The following YAP1 variants were observed in gnomAD, a reference collection of about 807,000 sequenced individuals.
YAP1 encodes the protein Yes1 associated transcriptional regulator, also known as transcriptional coactivator YAP1.
In YAP1, 5 loss-of-function variants were observed where a neutral mutation model predicts 56.9. The ratio of observed to expected loss-of-function variants is 0.09; its 90% CI spans 0.05 to 0.18. The LOEUF (loss-of-function observed/expected upper bound fraction) is 0.18. YAP1 is among the 10% of genes least tolerant of loss of function. The pLI is 1.00. For missense variants in YAP1, 539 were observed against 651.8 expected, an observed-to-expected ratio of 0.83 and a Z score of 1.88; for synonymous variants, 265 against 248.1, an observed-to-expected ratio of 1.07 and a Z score of -0.64.
At chr11:102,185,753 C>T (rs754249065) in intron 3 of YAP1, among the ~76,000 whole-genome samples, 8 of 152,082 alleles carry the variant, frequency 5.3e-5, no homozygotes, top group African/African-American at 9.7e-5. Context: ...TGGGCCATGA[C>T]TTCCAAAAGG....
chr11:102,179,886 T>C (rs894773839), intron 3 of YAP1, among the ~76,000 whole-genome samples: 2 of 152,146 alleles, frequency 1.3e-5, no homozygotes, highest in Non-Finnish European at 2.9e-5. Context: ...CCCTTCAGTT[T>C]AAATGATACA....
chr11:102,174,653 C>T (rs1442126959), intron 3 of YAP1, among the ~76,000 whole-genome samples: 1 of 152,012 alleles, frequency 6.6e-6, no homozygotes. Context: ...TCACAAAGAC[C>T]GATCATACTT....
intron 2 of YAP1, among the ~76,000 whole-genome samples, chr11:102,131,080 A>G (rs1226548119): frequency 6.6e-6 from 1 of 152,208 alleles, no homozygotes; most frequent in Non-Finnish European, 1.5e-5. Context: ...CAGCTTATCA[A>G]TAAGCCAGTT....
chr11:102,144,757 T>G (rs927996012), intron 2 of YAP1, among the ~76,000 whole-genome samples: 3 of 152,168 alleles, frequency 2.0e-5, no homozygotes. Context: ...TACTTTTAAT[T>G]TTGCGAATGT....
At chr11:102,188,976 C>A (rs1414674940) in intron 4 of YAP1, among the ~76,000 whole-genome samples, 1 of 151,896 alleles carries the variant, frequency 6.6e-6, no homozygotes, top group African/African-American at 2.4e-5. Context: ...TTAGAGAATT[C>A]ATTAGTAATT....
intron 3 of YAP1, among the ~76,000 whole-genome samples, chr11:102,184,948 ATAAG>A (rs1947867190): frequency 6.6e-6 from 1 of 152,246 alleles, no homozygotes; most frequent in South Asian, 2.1e-4. Flanking sequence ...CCTCATTAGA[ATAAG>A]TAGTACTACT....
intron 2 of YAP1, among the ~76,000 whole-genome samples, chr11:102,160,510 C>T (rs1289617434): frequency 3.9e-5 from 6 of 152,182 alleles, no homozygotes; most frequent in African/African-American, 1.4e-4. Context: ...CTGGATTCGT[C>T]TTAATAGATG....
rs1290858254 is a variant in YAP1, at chr11:102,229,872, C to G, written c.1447C>G (p.Leu483Val). 6.2e-7 allele frequency: 1 copy of G among 1,614,096 alleles called. No individual in the cohort carries two copies. The highest frequency in any genetic ancestry group is 1.7e-5 in the Admixed American group (1 of 60,020). The change falls in exon 9 of 9, where the codon CTT becomes GTT. Residue 483 changes from leucine to valine, a missense_variant. Transcript: ENST00000282441. ...SLQEALSSDI[L>V]NDMESVLAAT... is the part of the protein sequence containing the mutation. The stretch of plus-strand genomic sequence containing the variant: ...GCAGGAAGCTTTGAGTTCTGACATC[C>G]TTAATGACATGGAGTCTGTTTTGGC...
At chr11:102,182,866 A>G (rs1368306742) in intron 3 of YAP1, among the ~76,000 whole-genome samples, 5 of 152,180 alleles carry the variant, frequency 3.3e-5, no homozygotes, top group Non-Finnish European at 5.9e-5. Context: ...ATAAAGTATT[A>G]TTTTGTATTT....
At chr11:102,225,932 T>TA (rs1049347565) in intron 7 of YAP1, among the ~76,000 whole-genome samples, 13 of 152,172 alleles carry the variant, frequency 8.5e-5, no homozygotes, top group Admixed American at 2.0e-4. Flanking sequence ...GTGGGGCCTG[T>TA]AGGAAGTGGG....
chr11:102,206,165 A>C, intron 5 of YAP1, 91 bp downstream of exon 5: 1 of 1,456,730 alleles, frequency 6.9e-7, no homozygotes, highest in Non-Finnish European at 9.3e-7. Flanking sequence ...TATTAGTTAC[A>C]GAGGAATGTT....
chr11:102,224,299 T>A (rs144745662), intron 7 of YAP1, among the ~76,000 whole-genome samples: 1 of 152,348 alleles, frequency 6.6e-6, no homozygotes, highest in African/African-American at 2.4e-5. Context: ...GGATGCTTCT[T>A]AGTGAGTTAC....
At chr11:102,168,699 A>G (rs1760094863) in intron 3 of YAP1, among the ~76,000 whole-genome samples, 1 of 152,196 alleles carries the variant, frequency 6.6e-6, no homozygotes, top group Non-Finnish European at 1.5e-5. Context: ...AAAAATGTTC[A>G]GAAGCAAGCA....
intron 2 of YAP1, among the ~76,000 whole-genome samples, chr11:102,140,710 G>A (rs536398638): frequency 1.2e-4 from 18 of 152,228 alleles, no homozygotes; most frequent in African/African-American, 3.6e-4. Context: ...GGGCGTGGTT[G>A]TGCGCACCTG....
intron 2 of YAP1, among the ~76,000 whole-genome samples, chr11:102,136,864 G>T (rs1266958313): frequency 6.6e-6 from 1 of 152,042 alleles, no homozygotes. Context: ...GTTGTCTGTC[G>T]CTGTGTCAGT....
chr11:102,179,069 C>T (rs1377568340), intron 3 of YAP1, among the ~76,000 whole-genome samples: 1 of 140,814 alleles, frequency 7.1e-6, no homozygotes, highest in Non-Finnish European at 1.5e-5. Flanking sequence ...ACCCAGTCAC[C>T]CCCCACCAGG....
intron 4 of YAP1, among the ~76,000 whole-genome samples, chr11:102,193,829 T>G (rs924837220): frequency 1.3e-5 from 2 of 151,968 alleles, no homozygotes; most frequent in African/African-American, 4.8e-5. Context: ...GGGGTTTTTT[T>G]TTGTTTGATT....
chr11:102,209,636 AC>A, intron 6 of YAP1, 72 bp downstream of exon 6: 1 of 1,390,574 alleles, frequency 7.2e-7, no homozygotes, highest in Non-Finnish European at 9.8e-7. Flanking sequence ...AGAGAAACTT[AC>A]ATTCCAGGGT....
chr11:102,158,100 A>AT (rs1946058172), intron 2 of YAP1, among the ~76,000 whole-genome samples: 1 of 152,220 alleles, frequency 6.6e-6, no homozygotes, highest in Non-Finnish European at 1.5e-5. Context: ...GGTACAAACG[A>AT]TTTAAGATTA....
Sources: allele counts gnomAD v4.1 joint callset (sites outside exome capture counted in the v4.1 genomes callset), GRCh38; gene constraint gnomAD v4.1.1; transcripts MANE v1.5; gene names NCBI Gene and HGNC (gene_info 2026-07-23, HGNC 2026-07-21).